Variants in CCDC138 observed in about 807,000 individuals in gnomAD.
CCDC138 encodes coiled-coil domain-containing protein 138.
In CCDC138, 66 loss-of-function variants were observed where a neutral mutation model predicts 82.3. The observed-to-expected ratio is 0.80, with a 90% CI of 0.66 to 0.98. CCDC138 has a LOEUF of 0.98. Ranked by LOEUF, CCDC138 falls within the 50% of genes least tolerant of loss-of-function variation. The pLI, the probability that CCDC138 is intolerant of heterozygous loss-of-function variation, is 0.00. For synonymous variants in CCDC138, 297 were observed against 265.4 expected (o/e 1.12, Z -1.16); for missense variants, 816 against 758.9 (o/e 1.08, Z -0.88).
chr2:108,797,874 C>A (rs1392251143), intron 5 of CCDC138, among the ~76,000 whole-genome samples: 1 of 151,238 alleles, frequency 6.6e-6, no homozygotes, highest in Non-Finnish European at 1.5e-5. Flanking sequence ...TGGCTGTGAA[C>A]ATATAAAAAG....
intron 1 of CCDC138, among the ~76,000 whole-genome samples, chr2:108,787,119 A>G (rs1678975502): frequency 6.6e-6 from 1 of 152,142 alleles, no homozygotes; most frequent in Non-Finnish European, 1.5e-5. Flanking sequence ...CGCTTCACCT[A>G]TGCCTCTGTG....
At chr2:108,856,698 GT>G (rs1406466079) in intron 12 of CCDC138, 95 bp from the exon 13 acceptor site, 5 of 1,144,600 alleles carry the variant, frequency 4.4e-6, no homozygotes, top group Non-Finnish European at 6.3e-6. Context: ...TGTCTTTTGA[GT>G]TTGTTAAAGT....
intron 10 of CCDC138, among the ~76,000 whole-genome samples, chr2:108,818,566 A>C (rs1037350653): frequency 5.3e-5 from 8 of 152,172 alleles, no homozygotes; most frequent in Non-Finnish European, 1.2e-4. Context: ...TTTTAAATAT[A>C]ATAATAGAAG....
At chr2:108,832,083 G>A (rs1008262047) in intron 10 of CCDC138, among the ~76,000 whole-genome samples, 5 of 151,578 alleles carry the variant, frequency 3.3e-5, no homozygotes, top group African/African-American at 1.2e-4. Flanking sequence ...AGGCTGGAGT[G>A]CAGTGCTGCC....
Position 108,839,234 on chromosome 2 carries a change from T to A in CCDC138, c.1256T>A (p.Ile419Asn), listed in dbSNP as rs369887731. The change falls in exon 11 of 15, where the codon ATC (isoleucine) becomes AAC (asparagine). Residue 419 changes from isoleucine to asparagine, a missense_variant. Transcript: ENST00000295124. ...EQLQWMPFVN[I>N]KLHEPFVKFI... ...CTACAGTGGATGCCATTTGTGAATATCAAACTTCACGAGCCTTTTGTAAAA... is the reference window on the plus strand; with the variant it reads ...CTACAGTGGATGCCATTTGTGAATAACAAACTTCACGAGCCTTTTGTAAAA... 3.1e-6 allele frequency: 5 copies of A among 1,612,554 alleles called. No homozygotes were observed. The highest frequency in any genetic ancestry group is 4.2e-6 in the Non-Finnish European group (5 of 1,179,214).
intron 13 of CCDC138, among the ~76,000 whole-genome samples, chr2:108,872,279 C>T (rs1389890881): frequency 6.6e-6 from 1 of 152,158 alleles, no homozygotes; most frequent in Non-Finnish European, 1.5e-5. Flanking sequence ...AATTTATGTC[C>T]TTCTCATACG....
intron 7 of CCDC138, among the ~76,000 whole-genome samples, chr2:108,806,366 A>G (rs1682881155): frequency 6.6e-6 from 1 of 152,176 alleles, no homozygotes; most frequent in African/African-American, 2.4e-5. Flanking sequence ...TAGTTGCATG[A>G]GTGTGTGGTA....
At chr2:108,861,684 T>C (rs1281914821) in intron 13 of CCDC138, among the ~76,000 whole-genome samples, 2 of 152,052 alleles carry the variant, frequency 1.3e-5, no homozygotes, top group African/African-American at 4.8e-5. Flanking sequence ...TTTCACCATA[T>C]TGGCCAGACT....
chr2:108,849,488 A>G (rs1691065435), intron 12 of CCDC138, among the ~76,000 whole-genome samples: 1 of 151,994 alleles, frequency 6.6e-6, no homozygotes, highest in Non-Finnish European at 1.5e-5. Context: ...GTGACTCTCC[A>G]TGACCTTTTC....
intron 11 of CCDC138, among the ~76,000 whole-genome samples, chr2:108,839,516 G>GAA (rs1279921434): frequency 6.6e-6 from 1 of 152,060 alleles, no homozygotes; most frequent in Non-Finnish European, 1.5e-5. Context: ...TACAATTTAT[G>GAA]AACATAAAAT....
intron 5 of CCDC138, among the ~76,000 whole-genome samples, chr2:108,796,731 A>G (rs1680975474): frequency 6.6e-6 from 1 of 152,182 alleles, no homozygotes; most frequent in Admixed American, 6.5e-5. Context: ...AGAAGGACAG[A>G]CATTGCATGT....
At chr2:108,835,345 C>A (rs1271248360) in intron 10 of CCDC138, among the ~76,000 whole-genome samples, 1 of 152,210 alleles carries the variant, frequency 6.6e-6, no homozygotes, top group African/African-American at 2.4e-5. Context: ...TTCATCTCAG[C>A]CGTGAGCTCA....
At chr2:108,795,774 A>C (rs1680761228) in intron 5 of CCDC138, among the ~76,000 whole-genome samples, 1 of 151,998 alleles carries the variant, frequency 6.6e-6, no homozygotes, top group Admixed American at 6.5e-5. Flanking sequence ...TGTTCTGAAA[A>C]GCAGTGATTG....
chr2:108,811,247 C>CTTTTTTTTTTTTTTTTTT (rs55661786), intron 7 of CCDC138, among the ~76,000 whole-genome samples: 1 of 113,940 alleles, frequency 8.8e-6, no homozygotes, highest in African/African-American at 3.8e-5. Flanking sequence ...TTCTCTCTCT[C>CTTTTTTTTTTTTTTTTTT]TTTTTTTTTT....
At chr2:108,823,548 G>T (rs759268470) in intron 10 of CCDC138, among the ~76,000 whole-genome samples, 13 of 152,210 alleles carry the variant, frequency 8.5e-5, no homozygotes, top group Non-Finnish European at 1.8e-4. Flanking sequence ...GCTATATTAG[G>T]TAGCCTGTTG....
chr2:108,856,777 A>G lies in CCDC138; in HGVS notation c.1517-17A>G. 1.9e-6 allele frequency: 3 copies of G among 1,609,614 alleles called. No individual in the cohort carries two copies. Among genetic ancestry groups the G allele is most frequent in the South Asian group, 2.2e-5 (2 of 90,146 alleles). Reference sequence around the variant, plus strand: ...GACTAGCAAAACTGCAGTTGATTGTACATAACTATTTTCCAGCTGATTACC... The same window carrying G: ...GACTAGCAAAACTGCAGTTGATTGTGCATAACTATTTTCCAGCTGATTACC... On this transcript the variant is annotated splice_polypyrimidine_tract_variant and intron_variant, in intron 12 of 14. Coordinates refer to ENST00000295124, the MANE Select transcript of CCDC138 (RefSeq NM_144978.3).
At chr2:108,819,394 G>C (rs1295225765) in intron 10 of CCDC138, among the ~76,000 whole-genome samples, 1 of 152,158 alleles carries the variant, frequency 6.6e-6, no homozygotes, top group East Asian at 1.9e-4. Flanking sequence ...TCCAAAGTCT[G>C]CCCACAGGAC....
At chr2:108,807,966 T>C (rs927784187) in intron 7 of CCDC138, among the ~76,000 whole-genome samples, 3 of 152,180 alleles carry the variant, frequency 2.0e-5, no homozygotes, top group African/African-American at 4.8e-5. Context: ...TTCCTTCCTT[T>C]CCACAGCCAT....
intron 2 of CCDC138, chr2:108,883,836 A>T (rs1574354446): frequency 6.6e-6 from 1 of 152,254 alleles, no homozygotes; most frequent in African/African-American, 2.4e-5. Context: ...CCCCTTTATA[A>T]ATTACGCACC....
Sources: gnomAD v4.1 joint callset for allele counts (sites outside exome capture counted in the v4.1 genomes callset) on GRCh38, gnomAD v4.1.1 for gene constraint, MANE v1.5 for transcripts, NCBI Gene and HGNC (gene_info 2026-07-23, HGNC 2026-07-21) for gene names.